The following LRRC37B variants were observed in gnomAD, a reference collection of about 807,000 sequenced individuals.
The protein encoded by LRRC37B is leucine rich repeat containing 37B, also known as leucine-rich repeat-containing protein 37B.
LRRC37B carries 28 observed loss-of-function variants against 98.3 expected under a neutral mutation model. That is an observed-to-expected ratio of 0.28 (90% CI 0.21 to 0.39). The LOEUF is 0.39. LRRC37B is among the 10% of genes least tolerant of loss of function. The probability of loss-of-function intolerance (pLI) is 1.00; values close to 1 mark genes in which losing one functional copy is unlikely to be tolerated. For synonymous variants in LRRC37B, 364 were observed against 442.7 expected (o/e 0.82, Z 2.23); for missense variants, 938 against 1,182.7 (o/e 0.79, Z 3.03).
intron 1 of LRRC37B, among the ~76,000 whole-genome samples, chr17:32,014,995 G>C (rs1026755657): frequency 5.3e-5 from 8 of 152,198 alleles, no homozygotes; most frequent in African/African-American, 1.9e-4. Flanking sequence ...AGCCAGGTGT[G>C]GTGGTGGACT....
chr17:32,024,659 C>T (rs1393236465), intron 1 of LRRC37B, 52 bp from the exon 5 acceptor site: 11 of 1,605,434 alleles, frequency 6.9e-6, no homozygotes, highest in Non-Finnish European at 9.4e-6. Flanking sequence ...TTTATTTATC[C>T]TGTTCATTCT....
exon 1 of LRRC37B, chr17:32,021,666 C>G: frequency 6.2e-7 from 1 of 1,614,188 alleles, no homozygotes; most frequent in African/African-American, 1.3e-5. Context: ...AATACTTGTT[C>G]CACTAGACAG....
intron 7 of LRRC37B, among the ~76,000 whole-genome samples, chr17:32,038,157 C>A (rs1430037451): frequency 6.6e-6 from 1 of 150,732 alleles, no homozygotes; most frequent in Admixed American, 6.6e-5. Flanking sequence ...TTTATAGATT[C>A]TAGATACAAG....
intron 2 of LRRC37B, among the ~76,000 whole-genome samples, chr17:32,025,841 T>C (rs1244925409): frequency 2.0e-5 from 3 of 152,268 alleles, no homozygotes; most frequent in Admixed American, 6.5e-5. Context: ...GCCAACTGAC[T>C]ATATTGTCAG....
chr17:32,024,812 A>G, intron 2 of LRRC37B, 30 bp downstream of exon 5: 1 of 1,595,672 alleles, frequency 6.3e-7, no homozygotes, highest in Non-Finnish European at 8.5e-7. Flanking sequence ...ATATGACAAA[A>G]AACTAACTGC....
chr17:32,023,120 C>CTTTTTTT (rs1224317741), intron 1 of LRRC37B, among the ~76,000 whole-genome samples: 1 of 133,096 alleles, frequency 7.5e-6, no homozygotes, highest in African/African-American at 2.7e-5. Context: ...GCTTCACCCT[C>CTTTTTTT]TTTTTTTTTT....
At chr17:32,018,047 T>C (rs1025185582), upstream of LRRC37B, 36 of 211,018 alleles carry the variant, frequency 1.7e-4, no homozygotes, top group African/African-American at 7.9e-4. Flanking sequence ...CTACACAGTT[T>C]AATTCAAGTA....
At chr17:32,051,928 C>T (rs2142265182) in intron 11 of LRRC37B, 1 of 152,098 alleles carries the variant, frequency 6.6e-6, no homozygotes, top group South Asian at 2.1e-4. Context: ...CTAAATACTT[C>T]AGACATTTGT....
At chr17:32,042,264 C>G (rs1431826818) in intron 7 of LRRC37B, 4 of 175,070 alleles carry the variant, frequency 2.3e-5, no homozygotes, top group African/African-American at 9.7e-5. Flanking sequence ...CACCAAGTAC[C>G]TTTTCAGCTT....
chr17:32,041,312 G>T (rs771290816), intron 7 of LRRC37B: 12 of 756,228 alleles, frequency 1.6e-5, no homozygotes, highest in African/African-American at 1.2e-4. Context: ...AGTCCATCTG[G>T]ACTCCTAGCA....
At chr17:32,020,831 C>A, upstream of LRRC37B, 1 of 813,290 alleles carries the variant, frequency 1.2e-6, no homozygotes, top group East Asian at 2.9e-5. Context: ...GGAAGCTCTG[C>A]CGTGCCCCCA....
chr17:32,021,823 A>G, exon 1 of LRRC37B: 14 of 1,614,204 alleles, frequency 8.7e-6, no homozygotes, highest in Non-Finnish European at 1.2e-5. Flanking sequence ...CCAGATGATT[A>G]TTTGAGTATG....
chr17:32,032,459 T>C (rs1911136970), intron 5 of LRRC37B, among the ~76,000 whole-genome samples: 1 of 152,210 alleles, frequency 6.6e-6, no homozygotes, highest in African/African-American at 2.4e-5. Flanking sequence ...GCAAAAATTC[T>C]ATGATTTCTC....
At chr17:32,020,103 C>T (rs1910728197), upstream of LRRC37B, among the ~76,000 whole-genome samples, 2 of 152,152 alleles carry the variant, frequency 1.3e-5, no homozygotes, top group Admixed American at 6.5e-5. Context: ...CTCGGCCTCC[C>T]AGAGTTCTGG....
chr17:32,041,655 C>G, intron 7 of LRRC37B: 2 of 460,566 alleles, frequency 4.3e-6, no homozygotes, highest in Admixed American at 4.7e-5. Context: ...GGCCCGGGCC[C>G]TTGAGGTACT....
At chr17:32,016,922 C>T (rs894142340), upstream of LRRC37B, 6 of 152,030 alleles carry the variant, frequency 3.9e-5, no homozygotes, top group Admixed American at 3.3e-4. Flanking sequence ...CTTTTGTTTC[C>T]AGGATCTTCA....
chr17:32,038,075 A>T (rs1911303101), intron 7 of LRRC37B, among the ~76,000 whole-genome samples: 1 of 151,944 alleles, frequency 6.6e-6, no homozygotes, highest in Non-Finnish European at 1.5e-5. Context: ...TGCAGTGAGC[A>T]GAGATCACGC....
exon 1 of LRRC37B, chr17:32,008,105 A>G: frequency 2.5e-6 from 1 of 407,750 alleles, no homozygotes; most frequent in Admixed American, 2.9e-5. Context: ...CAGTTACTCC[A>G]CGGAAAGCAG....
At position 32,040,561 on chromosome 17, in the gene LRRC37B, C is replaced by T. The variant is rs1598211205; in HGVS notation, c.2204+4922C>T. 26 of 756,746 alleles carry T rather than the reference C, an allele frequency of 3.4e-5. 1 individual carries two copies. Among genetic ancestry groups the T allele is most frequent in the South Asian group, 2.1e-4 (15 of 73,164 alleles). 46.9% of individuals were successfully genotyped at this position (756,746 alleles called of 1,614,324 possible). ...AGAGATGGAGATGTCATCAGCAAGG[C>T]GGTGACGGAAATGCTGGCAAGGACC... On this transcript the variant is annotated intron_variant, in intron 7 of 11. Transcript: ENST00000327564.
Sources: allele counts gnomAD v4.1 joint callset (sites outside exome capture counted in the v4.1 genomes callset), GRCh38; gene constraint gnomAD v4.1.1; transcripts MANE v1.5; gene names NCBI Gene and HGNC (gene_info 2026-07-23, HGNC 2026-07-21).